Variants in RP1 observed in about 807,000 individuals in gnomAD.
RP1 encodes the protein RP1 axonemal microtubule associated.
In RP1, 16 loss-of-function variants were observed where a neutral mutation model predicts 14.8. The ratio of observed to expected loss-of-function variants is 1.08; its 90% CI spans 0.73 to 1.65. The LOEUF is 1.65. Ranked by LOEUF, RP1 falls within the 40% of genes most tolerant of loss-of-function variation. The pLI is 0.00. For synonymous variants in RP1, 876 were observed against 883.6 expected, an observed-to-expected ratio of 0.99 and a Z score of 0.15; for missense variants, 2,631 against 2,535.0, an observed-to-expected ratio of 1.04 and a Z score of -0.81.
At chr8:54,778,941 G>GAA (rs1810113359) in intron 23 of RP1, among the ~76,000 whole-genome samples, 1 of 152,134 alleles carries the variant, frequency 6.6e-6, no homozygotes. Context: ...TAATGATAGA[G>GAA]AAAGTTTTAT....
intron 19 of RP1, among the ~76,000 whole-genome samples, chr8:54,749,715 A>G (rs77337014): frequency 0.024 from 3,708 of 152,168 alleles, 160 homozygotes; most frequent in African/African-American, 0.083. Flanking sequence ...GCAGAATAGG[A>G]GCCATTTTAG....
chr8:54,566,922 T>C (rs2129291576), intron 1 of RP1, among the ~76,000 whole-genome samples: 1 of 152,254 alleles, frequency 6.6e-6, no homozygotes. Context: ...CAAGGTGCGC[T>C]GTGTGGAGCC....
chr8:54,568,212 C>T (rs551804854), intron 1 of RP1, among the ~76,000 whole-genome samples: 10 of 152,244 alleles, frequency 6.6e-5, no homozygotes, highest in Admixed American at 2.6e-4. Context: ...ACTACTGTTT[C>T]CAGCTCAGTG....
chr8:54,637,641 T>C (rs1806377940), intron 3 of RP1, among the ~76,000 whole-genome samples: 1 of 152,290 alleles, frequency 6.6e-6, no homozygotes, highest in Admixed American at 6.5e-5. Flanking sequence ...TTTTAGATTT[T>C]GTGTATTGAC....
chr8:54,732,107 A>G (rs1436637282), intron 17 of RP1, among the ~76,000 whole-genome samples: 1 of 152,156 alleles, frequency 6.6e-6, no homozygotes, highest in Non-Finnish European at 1.5e-5. Flanking sequence ...TCAGCTGAAC[A>G]TTGGCACCTG....
chr8:54,673,908 G>T (rs1449572381), exon 8 of RP1: 2 of 1,535,706 alleles, frequency 1.3e-6, no homozygotes, highest in Admixed American at 2.0e-5. Context: ...ATTGTGATAG[G>T]CCATGATGGA....
chr8:54,586,639 C>G (rs1281002535), intron 1 of RP1, among the ~76,000 whole-genome samples: 1 of 152,226 alleles, frequency 6.6e-6, no homozygotes, highest in African/African-American at 2.4e-5. Context: ...GTGCTGTGGG[C>G]TCCACCCAGT....
At chr8:54,699,344 C>G (rs1406325425) in intron 12 of RP1, 1 of 414,792 alleles carries the variant, frequency 2.4e-6, no homozygotes, top group Non-Finnish European at 4.2e-6. Context: ...TGCATTTTAC[C>G]TTTAACTGAA....
intron 17 of RP1, among the ~76,000 whole-genome samples, chr8:54,727,358 A>G (rs769398903): frequency 6.6e-6 from 1 of 152,164 alleles, no homozygotes; most frequent in South Asian, 2.1e-4. Flanking sequence ...AAAATTTCTC[A>G]CAGCAGAATT....
At chr8:54,706,750 G>C in intron 15 of RP1, 1 of 1,220,926 alleles carries the variant, frequency 8.2e-7, no homozygotes, top group Non-Finnish European at 1.2e-6. Flanking sequence ...TTTGGAAATT[G>C]AATGTTACAT....
At chr8:54,582,918 C>T (rs1804830597) in intron 1 of RP1, among the ~76,000 whole-genome samples, 1 of 152,160 alleles carries the variant, frequency 6.6e-6, no homozygotes, top group South Asian at 2.1e-4. Context: ...ATGGGGTTTT[C>T]TAGATAGGCA....
intron 24 of RP1, among the ~76,000 whole-genome samples, chr8:54,814,996 G>C (rs1280460263): frequency 1.3e-5 from 2 of 152,318 alleles, no homozygotes; most frequent in Middle Eastern, 3.4e-3. Context: ...GTGACAAAGC[G>C]AGACTCCGTC....
At chr8:54,805,157 T>A (rs139798118) in intron 24 of RP1, among the ~76,000 whole-genome samples, 1 of 152,348 alleles carries the variant, frequency 6.6e-6, no homozygotes, top group Non-Finnish European at 1.5e-5. Flanking sequence ...TTGCTTTAGA[T>A]CATCCTGGAC....
At chr8:54,811,856 G>A (rs774035054) in intron 24 of RP1, among the ~76,000 whole-genome samples, 47 of 152,152 alleles carry the variant, frequency 3.1e-4, no homozygotes, top group Non-Finnish European at 4.7e-4. Context: ...CTCACTTACC[G>A]CATATTGCCT....
Position 54,699,490 on chromosome 8 carries a change from A to G in RP1, c.1741A>G (p.Lys581Glu). 2.2e-6 allele frequency: 3 copies of G among 1,385,166 alleles called. No individual in the cohort carries two copies. In the South Asian group the frequency reaches 5.4e-5, roughly 25 times the overall value. 85.8% of individuals were successfully genotyped at this position (1,385,166 alleles called of 1,614,324 possible). Residue 581 changes from lysine to glutamate, a missense_variant, in exon 13 of 23, where the codon AAA becomes GAA. Coordinates refer to the RP1 transcript ENST00000636932. ...AGGTGTCTTTGATGTTATTTTCAACAAAAGAAATATATGCATTTTCCAAAG... is the reference window on the plus strand; with the variant it reads ...AGGTGTCTTTGATGTTATTTTCAACGAAAGAAATATATGCATTTTCCAAAG...
At position 54,644,390 on chromosome 8, in the gene RP1, C is replaced by G. The variant is rs554078273; in HGVS notation, c.788-4595C>G. On this transcript the variant is annotated intron_variant, in intron 3 of 22. Coordinates refer to the RP1 transcript ENST00000636932. Reference sequence around the variant, plus strand: ...CTCTGGCCCTCAGAGTCATTTGTCCCATCTCTGTTTCTTTCATCTGATGAA... The same window carrying G: ...CTCTGGCCCTCAGAGTCATTTGTCCGATCTCTGTTTCTTTCATCTGATGAA... Among the ~76,000 whole-genome samples the G allele has an allele frequency of 2.6e-5, 4 of 152,276 alleles. No individual in the cohort carries two copies. In the East Asian group the frequency reaches 7.7e-4, roughly 29 times the overall value.
chr8:54,736,897 A>T (rs930302624), intron 18 of RP1, among the ~76,000 whole-genome samples: 10 of 152,154 alleles, frequency 6.6e-5, no homozygotes, highest in African/African-American at 2.4e-4. Flanking sequence ...ATGGGCACTC[A>T]TAAGACTGGG....
In RP1 at chr8:54,769,777, A is replaced by T. The variant is rs532302850; in HGVS notation, c.3285A>T (p.Ser1095=). The T allele has an allele frequency of 6.2e-5, 95 of 1,534,100 alleles. No individual in the cohort carries two copies. In the South Asian group the frequency reaches 1.1e-3, roughly 18 times the overall value. Residue 1095 remains serine, a synonymous_variant, in exon 23 of 23, where the codon TCA becomes TCT. Transcript: ENST00000636932. ...TCATGTCTCAGGGCATAATTCATTC[A>T]GAAATTGAACTTTATCTTCAAGGTG...
intron 24 of RP1, among the ~76,000 whole-genome samples, chr8:54,814,077 GA>G (rs1811077099): frequency 6.6e-6 from 1 of 152,148 alleles, no homozygotes; most frequent in Non-Finnish European, 1.5e-5. Context: ...GTCTGGCAGA[GA>G]ATCTCCTTAC....
Sources: gnomAD v4.1 joint callset for allele counts (sites outside exome capture counted in the v4.1 genomes callset) on GRCh38, gnomAD v4.1.1 for gene constraint, MANE v1.5 for transcripts, NCBI Gene and HGNC (gene_info 2026-07-23, HGNC 2026-07-21) for gene names.